Variants in ATP6V1D observed in about 807,000 individuals in gnomAD.
The protein encoded by ATP6V1D is ATPase H+ transporting V1 subunit D.
ATP6V1D carries 20 observed loss-of-function variants against 39.4 expected under a neutral mutation model. The observed-to-expected ratio is 0.51, with a 90% confidence interval of 0.36 to 0.74. The LOEUF is 0.74. Among genes scored for constraint, ATP6V1D ranks in the 30% least tolerant of loss-of-function variants. ATP6V1D has a pLI of 0.00. For synonymous variants in ATP6V1D, 100 were observed against 100.5 expected, an observed-to-expected ratio of 0.99 and a Z score of 0.03; for missense variants, 228 against 291.6, an observed-to-expected ratio of 0.78 and a Z score of 1.59.
At chr14:67,351,851 G>A (rs147660135) in intron 2 of ATP6V1D, among the ~76,000 whole-genome samples, 2 of 144,476 alleles carry the variant, frequency 1.4e-5, no homozygotes, top group Non-Finnish European at 3.0e-5. Context: ...AAAAGAAAAG[G>A]CGTGGAAAAA....
chr14:67,339,612 T>C (rs2085564658), intron 8 of ATP6V1D, among the ~76,000 whole-genome samples: 1 of 152,202 alleles, frequency 6.6e-6, no homozygotes. Context: ...TTCATGGACA[T>C]GCATAATTTC....
intron 7 of ATP6V1D, among the ~76,000 whole-genome samples, chr14:67,342,047 C>T (rs972567816): frequency 2.6e-5 from 4 of 152,108 alleles, no homozygotes; most frequent in South Asian, 2.1e-4. Context: ...ACAAACACTG[C>T]GGAAGTCTGC....
At chr14:67,347,720 G>A (rs2070902154) in intron 4 of ATP6V1D, among the ~76,000 whole-genome samples, 1 of 151,818 alleles carries the variant, frequency 6.6e-6, no homozygotes, top group Admixed American at 6.6e-5. Flanking sequence ...GGTTGGTCTT[G>A]AACTTCCGAC....
intron 7 of ATP6V1D, among the ~76,000 whole-genome samples, 162 bp downstream of exon 7, chr14:67,343,209 CT>C (rs571111599): frequency 4.9e-4 from 72 of 148,006 alleles, no homozygotes; most frequent in Non-Finnish European, 5.4e-4. Context: ...CTTCATAACA[CT>C]TTTTTTTTTT....
chr14:67,345,901 AT>A, intron 5 of ATP6V1D, 30 bp from the exon 6 acceptor site: 1 of 1,410,882 alleles, frequency 7.1e-7, no homozygotes. Context: ...AACATTTTTA[AT>A]TAGAGTAAAA....
intron 1 of ATP6V1D, among the ~76,000 whole-genome samples, chr14:67,358,595 G>A (rs2141117723): frequency 6.6e-6 from 1 of 152,264 alleles, no homozygotes; most frequent in East Asian, 1.9e-4. Flanking sequence ...AGCCGCCAGG[G>A]AGGCTGAGGC....
intron 1 of ATP6V1D, chr14:67,354,011 A>C (rs1595638208): frequency 6.7e-6 from 1 of 150,368 alleles, no homozygotes; most frequent in African/African-American, 2.5e-5. Context: ...TTTCTCTCTC[A>C]CCCTCGCCTT....
At chr14:67,350,238 A>AT (rs1476926898) in intron 3 of ATP6V1D, among the ~76,000 whole-genome samples, 2 of 152,208 alleles carry the variant, frequency 1.3e-5, no homozygotes, top group South Asian at 2.1e-4. Context: ...ATGTGTAAAA[A>AT]TGTTCACTGC....
intron 1 of ATP6V1D, among the ~76,000 whole-genome samples, chr14:67,357,824 A>C (rs1173607104): frequency 6.6e-6 from 1 of 152,194 alleles, no homozygotes; most frequent in African/African-American, 2.4e-5. Context: ...ACGCCATACT[A>C]CCTGGCAATT....
intron 8 of ATP6V1D, among the ~76,000 whole-genome samples, chr14:67,339,178 G>A (rs1365665197): frequency 6.6e-6 from 1 of 151,964 alleles, no homozygotes; most frequent in Admixed American, 6.6e-5. Flanking sequence ...TGTATTTTTA[G>A]TAGAGACGGA....
chr14:67,349,943 A>T (rs974970763), intron 3 of ATP6V1D, among the ~76,000 whole-genome samples: 6 of 152,242 alleles, frequency 3.9e-5, no homozygotes, highest in East Asian at 3.8e-4. Flanking sequence ...TAATAAAATC[A>T]GAAACCTTGA....
Position 67,359,564 on chromosome 14 carries a change from G to C in ATP6V1D, c.41+94C>G, listed in dbSNP as rs76870482. The stretch of plus-strand genomic sequence containing the variant: ...TGGGAAAAGCTCAGGATCCTCCCAG[G>C]AAACAAGGACCCTCACTGTGGCCCA... On this transcript the variant is annotated intron_variant, in intron 1 of 8. Transcript: ENST00000216442. The C allele has an allele frequency of 2.4e-4, 338 of 1,415,398 alleles. 3 individuals are homozygous for C. In the East Asian group the frequency reaches 7.7e-3, roughly 32 times the overall value. The allele number at this position is 1,415,398 out of a possible 1,614,324, so 87.7% of individuals were successfully genotyped here.
At chr14:67,346,002 A>T (rs2141099430) in intron 5 of ATP6V1D, 131 bp from the exon 6 acceptor site, 1 of 643,824 alleles carries the variant, frequency 1.6e-6, no homozygotes, top group African/African-American at 1.8e-5. Flanking sequence ...TTGAATGTAA[A>T]CATGAAGTGC....
rs2141087100 is a variant in ATP6V1D at position 67,338,461 on chromosome 14, G to A, written c.*160C>T. The A allele has an allele frequency of 1.3e-6, 1 of 754,500 alleles. No individual in the cohort carries two copies. The highest frequency in any genetic ancestry group is 2.6e-5 in the East Asian group (1 of 37,812). The allele number at this position is 754,500 out of a possible 1,614,324, so 46.7% of individuals were successfully genotyped here. On this transcript the variant is annotated 3_prime_UTR_variant, in exon 9 of 9. Coordinates refer to ENST00000216442, the MANE Select transcript of ATP6V1D (RefSeq NM_015994.4). ...CCATGATAAATGGTTGCTAAATTAT[G>A]ATTCTGCAAAAGTAATCCCATAAAT... is the stretch of plus-strand genomic sequence containing the variant.
chr14:67,338,377 A>G lies in ATP6V1D; in HGVS notation c.*244T>C, dbSNP rs2085555395. On this transcript the variant is annotated 3_prime_UTR_variant, in exon 9 of 9. Transcript: ENST00000216442. ...AACACAGATGTAAATGGAGTATGAT[A>G]ACGCTTCTGCAAAGTAAATTCTGTA... is the stretch of plus-strand genomic sequence containing the variant. 1 of 432,354 alleles carries G rather than the reference A, an allele frequency of 2.3e-6. No individual in the cohort carries two copies. The highest frequency in any genetic ancestry group is 2.0e-5 in the African/African-American group (1 of 49,884). 26.8% of individuals were successfully genotyped at this position (432,354 alleles called of 1,614,324 possible). A position where few individuals can be genotyped will look rare whatever the true frequency, so the allele number is the denominator to read the frequency against.
chr14:67,339,373 A>C (rs1366296108), intron 8 of ATP6V1D, among the ~76,000 whole-genome samples: 1 of 152,088 alleles, frequency 6.6e-6, no homozygotes, highest in Non-Finnish European at 1.5e-5. Context: ...CATTTTTTTA[A>C]AATTTTGGCT....
At position 67,338,681 on chromosome 14, in the gene ATP6V1D, C is replaced by T. The variant is rs776231135; in HGVS notation, c.684G>A (p.Glu228=). 2 of 1,614,018 alleles carry T rather than the reference C, an allele frequency of 1.2e-6. No individual in the cohort carries two copies. Among genetic ancestry groups the T allele is most frequent in the Non-Finnish European group, 1.7e-6 (2 of 1,179,908 alleles). ...CCAGAAGATTAGCAGGCTCCAACAC[C>T]TCTCCAGCTGCTCTCCTTTGCTCCA... ...KDLEQRRAAG[E]VLEPANLLAE... Residue 228 remains glutamate, a synonymous_variant, in exon 9 of 9, where the codon GAG becomes GAA. Coordinates refer to ENST00000216442, the MANE Select transcript of ATP6V1D (RefSeq NM_015994.4).
rs1489677112 is a variant in ATP6V1D, at chr14:67,354,182, C to A, written c.42-1142G>T. ...GGTTTTCCAATAATGTAGATTTCTA[C>A]CATCAGTGTTCCATAAATGAAAAGT... On this transcript the variant is annotated intron_variant, in intron 1 of 8. Transcript: ENST00000216442. Among the ~76,000 whole-genome samples the A allele has an allele frequency of 3.9e-5, 6 of 152,084 alleles. No individual in the cohort carries two copies. In the East Asian group the frequency reaches 1.2e-3, roughly 29 times the overall value.
At chr14:67,343,886 G>A (rs1416459485) in intron 6 of ATP6V1D, among the ~76,000 whole-genome samples, 1 of 152,144 alleles carries the variant, frequency 6.6e-6, no homozygotes, top group Admixed American at 6.5e-5. Flanking sequence ...AAATTCTTGT[G>A]AGATTTCCAT....
Sources: allele counts gnomAD v4.1 joint callset (sites outside exome capture counted in the v4.1 genomes callset), GRCh38; gene constraint gnomAD v4.1.1; transcripts MANE v1.5; gene names NCBI Gene and HGNC (gene_info 2026-07-23, HGNC 2026-07-21).